Variants in SDK2 observed in about 807,000 individuals in gnomAD.
SDK2 encodes protein sidekick-2.
Under a neutral mutation model 253.9 loss-of-function variants are expected in SDK2, and 105 were observed. The ratio of observed to expected loss-of-function variants is 0.41; its 90% confidence interval spans 0.35 to 0.49. SDK2 has a LOEUF of 0.49. Among genes scored for constraint, SDK2 ranks in the 20% least tolerant of loss-of-function variants. The pLI is 0.06. For synonymous variants in SDK2, 1,249 were observed against 1,234.9 expected, an observed-to-expected ratio of 1.01 and a Z score of -0.24; for missense variants, 2,608 against 3,003.0, an observed-to-expected ratio of 0.87 and a Z score of 3.07.
chr17:73,614,294 C>T (rs1022763822), intron 1 of SDK2, among the ~76,000 whole-genome samples: 2 of 152,184 alleles, frequency 1.3e-5, no homozygotes, highest in Non-Finnish European at 2.9e-5. Flanking sequence ...GAAGGGGTCT[C>T]GCTCTTCCAG....
At chr17:73,560,368 G>A (rs977499987) in intron 1 of SDK2, among the ~76,000 whole-genome samples, 7 of 152,214 alleles carry the variant, frequency 4.6e-5, no homozygotes, top group Non-Finnish European at 1.0e-4. Flanking sequence ...TTGAGACGGA[G>A]CCTTGCTCTG....
intron 1 of SDK2, among the ~76,000 whole-genome samples, chr17:73,539,817 G>C (rs75114391): frequency 4.7e-5 from 1 of 21,304 alleles, no homozygotes; most frequent in Non-Finnish European, 8.5e-5. Flanking sequence ...AGAGACACAC[G>C]GGGGGAATGC....
intron 40 of SDK2, among the ~76,000 whole-genome samples, chr17:73,353,142 A>C (rs1362774574): frequency 3.9e-5 from 6 of 152,162 alleles, no homozygotes; most frequent in Admixed American, 3.9e-4. Flanking sequence ...TTATTAAAAT[A>C]TCTGTACTAC....
At chr17:73,351,076 G>A (rs926223160) in intron 41 of SDK2, among the ~76,000 whole-genome samples, 3 of 151,798 alleles carry the variant, frequency 2.0e-5, no homozygotes, top group African/African-American at 4.8e-5. Flanking sequence ...AGGGACATAG[G>A]AGGGGAGAGT....
At chr17:73,610,790 T>C (rs1409328415) in intron 1 of SDK2, among the ~76,000 whole-genome samples, 1 of 152,162 alleles carries the variant, frequency 6.6e-6, no homozygotes, top group Non-Finnish European at 1.5e-5. Context: ...TATATATCTA[T>C]GCATTTGGTA....
intron 1 of SDK2, among the ~76,000 whole-genome samples, chr17:73,513,052 T>C (rs2063993508): frequency 6.6e-6 from 1 of 151,766 alleles, no homozygotes; most frequent in African/African-American, 2.4e-5. Flanking sequence ...GGCAAAGCAA[T>C]GTACTCGCCA....
intron 44 of SDK2, among the ~76,000 whole-genome samples, chr17:73,344,491 T>C (rs547989529): frequency 1.3e-5 from 2 of 152,302 alleles, no homozygotes; most frequent in East Asian, 3.9e-4. Context: ...TCCCAGTTGC[T>C]TGTACTTCTG....
intron 4 of SDK2, among the ~76,000 whole-genome samples, chr17:73,451,439 G>A (rs1257316648): frequency 6.6e-6 from 1 of 152,234 alleles, no homozygotes; most frequent in Non-Finnish European, 1.5e-5. Context: ...AGGAGGCAGA[G>A]GTTGCAGTGA....
intron 11 of SDK2, among the ~76,000 whole-genome samples, 158 bp from the exon 12 acceptor site, chr17:73,430,771 T>C (rs1436896563): frequency 6.6e-6 from 1 of 152,200 alleles, no homozygotes; most frequent in Non-Finnish European, 1.5e-5. Flanking sequence ...TTGGGGCTCA[T>C]TAAATTTTGC....
intron 1 of SDK2, among the ~76,000 whole-genome samples, chr17:73,610,603 C>T (rs1056449131): frequency 1.3e-5 from 2 of 152,070 alleles, no homozygotes; most frequent in East Asian, 1.9e-4. Context: ...ACAGTAGCCA[C>T]GAGGGAGGCG....
intron 32 of SDK2, among the ~76,000 whole-genome samples, 191 bp from the exon 33 acceptor site, chr17:73,384,202 C>T (rs1487449002): frequency 6.6e-6 from 1 of 152,186 alleles, no homozygotes; most frequent in East Asian, 1.9e-4. Flanking sequence ...CTGCAGCATT[C>T]CCTAGAAGGA....
intron 1 of SDK2, among the ~76,000 whole-genome samples, chr17:73,523,316 T>A (rs1250813261): frequency 1.3e-5 from 2 of 151,776 alleles, no homozygotes; most frequent in Non-Finnish European, 2.9e-5. Flanking sequence ...GGAGGGCTGG[T>A]GCTGTGGAAT....
intron 1 of SDK2, among the ~76,000 whole-genome samples, chr17:73,587,641 G>A (rs1391556577): frequency 6.6e-6 from 1 of 152,144 alleles, no homozygotes; most frequent in Non-Finnish European, 1.5e-5. Flanking sequence ...GCCGAGCTCC[G>A]CAGCCTCTCC....
rs1320425435 is a variant in SDK2 at position 73,438,031 on chromosome 17, C to T, written c.849G>A (p.Glu283=). The change falls in exon 7 of 45, where the codon GAG becomes GAA. Residue 283 remains glutamate, a synonymous_variant. Transcript: ENST00000392650. ...NPTGSDAGYY[E]CEAVLRSSSV... ...TGCTGCTGCGCAGGACAGCCTCACA[C>T]TCGTAGTAGCCGGCGTCACTGCCGG... The T allele has an allele frequency of 1.9e-6, 3 of 1,551,650 alleles. No individual in the cohort carries two copies. The highest frequency in any genetic ancestry group is 2.4e-5 in the East Asian group (1 of 40,928).
intron 44 of SDK2, among the ~76,000 whole-genome samples, chr17:73,347,724 G>A (rs1341832330): frequency 6.6e-6 from 1 of 152,212 alleles, no homozygotes; most frequent in Non-Finnish European, 1.5e-5. Flanking sequence ...CTTGGCTGAG[G>A]CAGAGGGTGA....
At chr17:73,558,572 C>T (rs574957360) in intron 1 of SDK2, among the ~76,000 whole-genome samples, 71 of 152,258 alleles carry the variant, frequency 4.7e-4, no homozygotes, top group Non-Finnish European at 5.9e-4. Context: ...TTTTATCATC[C>T]AGCCTGTGAA....
intron 1 of SDK2, among the ~76,000 whole-genome samples, chr17:73,542,846 C>T (rs562206890): frequency 5.3e-5 from 8 of 152,238 alleles, no homozygotes; most frequent in South Asian, 2.1e-4. Context: ...TGCCAAAGTC[C>T]GGAAAGGGCA....
chr17:73,539,845 G>A (rs952829889), intron 1 of SDK2, among the ~76,000 whole-genome samples: 50 of 152,328 alleles, frequency 3.3e-4, no homozygotes, highest in East Asian at 2.5e-3. Context: ...TGACAGAGGC[G>A]GAGATGGAGT....
Position 73,414,765 on chromosome 17 carries a change from GGAGAT to G in SDK2, c.2369-11_2369-7del. On this transcript the variant is annotated splice_region_variant and splice_polypyrimidine_tract_variant and intron_variant, in intron 17 of 44. Coordinates refer to ENST00000392650, the MANE Select transcript of SDK2 (RefSeq NM_001144952.2). ...GCCCGGAGGGACCGTGGGAACTAGA[GGAGAT>G]GAGAGAACGGGGTGGGGTGGAGGGG... 1 of 1,601,114 alleles carries G rather than the reference GGAGAT, an allele frequency of 6.2e-7. No individual in the cohort carries two copies. The highest frequency in any genetic ancestry group is 1.1e-5 in the South Asian group (1 of 90,814).
Sources: gnomAD v4.1 joint callset for allele counts (sites outside exome capture counted in the v4.1 genomes callset) on GRCh38, gnomAD v4.1.1 for gene constraint, MANE v1.5 for transcripts, NCBI Gene and HGNC (gene_info 2026-07-23, HGNC 2026-07-21) for gene names.